The following SPAST variants were observed in gnomAD, a reference collection of about 807,000 sequenced individuals.
The protein encoded by SPAST is spastic paraplegia 4 (autosomal dominant; spastin).
A neutral mutation model predicts 76.6 loss-of-function variants in SPAST; 30 were observed. That is an observed-to-expected ratio of 0.39 (90% confidence interval 0.29 to 0.53). The LOEUF is 0.53. Among genes scored for constraint, SPAST ranks in the 20% least tolerant of loss-of-function variants. The pLI is 0.68. For missense variants in SPAST, 717 were observed against 770.5 expected (o/e 0.93, Z 0.82); for synonymous variants, 305 against 281.0 (o/e 1.09, Z -0.86).
intron 4 of SPAST, among the ~76,000 whole-genome samples, chr2:32,107,286 G>T (rs571796502): frequency 9.4e-4 from 143 of 151,954 alleles, no homozygotes; most frequent in Non-Finnish European, 1.8e-3. Flanking sequence ...AGGCTGGAGT[G>T]CGGTGGCGCA....
rs949538114 is a variant in SPAST at position 32,156,818 on chromosome 2, TA to T, written c.*2326del. ...CAAAGATTTCAAATGTTAAAAGAGATAAAAGTCAGGTTAATACTATCTTAAA... is the reference window on the plus strand; with the variant it reads ...CAAAGATTTCAAATGTTAAAAGAGATAAAGTCAGGTTAATACTATCTTAAA... On this transcript the variant is annotated 3_prime_UTR_variant, in exon 17 of 17. Transcript: ENST00000315285. 2.1e-4 allele frequency: 32 copies of T among 152,298 alleles called. No individual in the cohort carries two copies. Among genetic ancestry groups the T allele is most frequent in the African/African-American group, 7.7e-4 (32 of 41,574 alleles). The allele number at this position is 152,298 out of a possible 1,614,324, so 9.4% of individuals were successfully genotyped here.
intron 9 of SPAST, among the ~76,000 whole-genome samples, chr2:32,131,681 T>G (rs1257594793): frequency 6.9e-6 from 1 of 145,910 alleles, no homozygotes; most frequent in Admixed American, 6.9e-5. Flanking sequence ...CTTTTTTTTT[T>G]TTTTTTTTTT....
At chr2:32,104,050 G>A (rs1678224504) in intron 4 of SPAST, among the ~76,000 whole-genome samples, 1 of 152,086 alleles carries the variant, frequency 6.6e-6, no homozygotes, top group African/African-American at 2.4e-5. Context: ...TTGACAGTGG[G>A]GTGTTGAAGT....
At chr2:32,117,439 A>T (rs7573543) in intron 7 of SPAST, among the ~76,000 whole-genome samples, 61,801 of 151,502 alleles carry the variant, frequency 0.41, 12,940 homozygotes, top group East Asian at 0.64. Context: ...CAGTGATAAT[A>T]AACAAGTACT....
intron 1 of SPAST, among the ~76,000 whole-genome samples, chr2:32,083,260 G>A (rs1260849482): frequency 6.6e-6 from 1 of 151,920 alleles, no homozygotes; most frequent in Non-Finnish European, 1.5e-5. Context: ...CCATCCTCCT[G>A]TTTTTAAATT....
At chr2:32,081,781 CAAAAAAAAAAAAA>C (rs34078147) in intron 1 of SPAST, among the ~76,000 whole-genome samples, 4 of 44,382 alleles carry the variant, frequency 9.0e-5, no homozygotes, top group Non-Finnish European at 1.6e-4. Flanking sequence ...GAGACACTGT[CAAAAAAAAAAAAA>C]AAAAAAAAAA....
intron 1 of SPAST, among the ~76,000 whole-genome samples, chr2:32,083,741 T>TATATATA (rs1677340464): frequency 5.3e-5 from 3 of 57,140 alleles, no homozygotes; most frequent in Non-Finnish European, 9.6e-5. Context: ...CTATATATAT[T>TATATATA]TATATATACT....
chr2:32,147,845 A>T lies in SPAST; in HGVS notation c.1728+587A>T, dbSNP rs868575180. 2.1e-5 allele frequency among the ~76,000 whole-genome samples: 3 copies of T among 145,054 alleles called. No individual in the cohort carries two copies. The Middle Eastern group carries it at 0.011, about 533-fold the overall frequency. ...ACGGGGTTTCACCGTGTTAGCCAGGATGGTCTCTGTCTCCTGATCTCGTGA... is the reference window on the plus strand; with the variant it reads ...ACGGGGTTTCACCGTGTTAGCCAGGTTGGTCTCTGTCTCCTGATCTCGTGA... On this transcript the variant is annotated intron_variant, in intron 16 of 16. Transcript: ENST00000315285.
chr2:32,110,162 A>G (rs1309437078), intron 4 of SPAST, among the ~76,000 whole-genome samples: 7 of 140,228 alleles, frequency 5.0e-5, no homozygotes, highest in African/African-American at 1.9e-4. Context: ...CCTGTCCCCC[A>G]GGCTGGAATG....
intron 3 of SPAST, 75 bp from the exon 4 acceptor site, chr2:32,098,721 A>G (rs745560802): frequency 3.1e-6 from 3 of 975,686 alleles, no homozygotes. Flanking sequence ...GTCATTTCAC[A>G]TGCACATTTT....
At position 32,154,505 on chromosome 2, in the gene SPAST, C is replaced by T; in HGVS notation, c.*9C>T. ...GAGATACCACTGTTTAAGGAAATAC[C>T]TTTGTAAACCTGCAGAACATTTTAC... is the stretch of plus-strand genomic sequence containing the variant. On this transcript the variant is annotated 3_prime_UTR_variant, in exon 17 of 17. Coordinates refer to ENST00000315285, the MANE Select transcript of SPAST (RefSeq NM_014946.4). The T allele has an allele frequency of 1.2e-6, 2 of 1,612,636 alleles. No homozygotes were observed. Among genetic ancestry groups the T allele is most frequent in the Non-Finnish European group, 1.7e-6 (2 of 1,178,934 alleles).
At chr2:32,121,886 A>T (rs539826181) in intron 7 of SPAST, among the ~76,000 whole-genome samples, 12 of 152,222 alleles carry the variant, frequency 7.9e-5, no homozygotes, top group Non-Finnish European at 1.6e-4. Flanking sequence ...TGTCTCTGAG[A>T]GGTTTTGTCA....
At chr2:32,154,311 A>G in intron 16 of SPAST, 63 bp from the exon 17 acceptor site, 1 of 1,431,846 alleles carries the variant, frequency 7.0e-7, no homozygotes, top group Non-Finnish European at 9.8e-7. Flanking sequence ...TTAATCCATC[A>G]TTTCGTTAAC....
chr2:32,127,144 TG>T (rs1283415009), intron 8 of SPAST, 122 bp downstream of exon 8: 4 of 749,872 alleles, frequency 5.3e-6, no homozygotes, highest in East Asian at 5.3e-5. Flanking sequence ...TGTACACTTT[TG>T]TTTTTTTTGT....
At chr2:32,128,526 A>C (rs758580430) in intron 9 of SPAST, 47 bp downstream of exon 9, 1 of 1,199,676 alleles carries the variant, frequency 8.3e-7, no homozygotes, top group East Asian at 2.3e-5. Context: ...TTACTGTCTA[A>C]ATGTTACTGT....
At chr2:32,072,741 G>A (rs561548837) in intron 1 of SPAST, among the ~76,000 whole-genome samples, 1 of 152,096 alleles carries the variant, frequency 6.6e-6, no homozygotes, top group Non-Finnish European at 1.5e-5. Context: ...TCTGTTTTCA[G>A]AAGATGAGGA....
At chr2:32,135,346 G>A (rs965341661) in intron 9 of SPAST, among the ~76,000 whole-genome samples, 2 of 151,028 alleles carry the variant, frequency 1.3e-5, no homozygotes, top group African/African-American at 2.4e-5. Context: ...AGCCAGGATG[G>A]TCTCGATCTC....
At chr2:32,108,758 CTT>C (rs71407413) in intron 4 of SPAST, among the ~76,000 whole-genome samples, 3 of 73,888 alleles carry the variant, frequency 4.1e-5, no homozygotes, top group South Asian at 1.4e-3. Context: ...GCTGGTATAG[CTT>C]TTTTTTTTTT....
chr2:32,117,826 C>A (rs1678894762), intron 7 of SPAST, among the ~76,000 whole-genome samples: 1 of 152,080 alleles, frequency 6.6e-6, no homozygotes, highest in Admixed American at 6.6e-5. Flanking sequence ...GCCACTGTGC[C>A]TGGCATGAAG....
Sources: allele counts gnomAD v4.1 joint callset (sites outside exome capture counted in the v4.1 genomes callset), GRCh38; gene constraint gnomAD v4.1.1; transcripts MANE v1.5; gene names NCBI Gene and HGNC (gene_info 2026-07-23, HGNC 2026-07-21).